PTPRE: variants seen among roughly 807,000 people sequenced by gnomAD.
PTPRE encodes the protein protein tyrosine phosphatase receptor type E.
PTPRE carries 51 observed loss-of-function variants against 102.0 expected under a neutral mutation model. The observed-to-expected ratio is 0.50, with a 90% confidence interval of 0.40 to 0.63. The LOEUF is 0.63. PTPRE is among the 30% of genes least tolerant of loss of function. The probability of loss-of-function intolerance (pLI) is 0.00; values close to 1 mark genes in which losing one functional copy is unlikely to be tolerated. For synonymous variants in PTPRE, 345 were observed against 348.2 expected (o/e 0.99, Z 0.10); for missense variants, 752 against 915.1 (o/e 0.82, Z 2.30).
At chr10:128,076,323 C>T (rs1236886307) in intron 17 of PTPRE, among the ~76,000 whole-genome samples, 1 of 152,110 alleles carries the variant, frequency 6.6e-6, no homozygotes, top group African/African-American at 2.4e-5. Flanking sequence ...ATTTCATTTT[C>T]CCCAGGTAGA....
rs547381968 is a variant in PTPRE, at chr10:127,942,593, C to T, written c.-31+35284C>T. 1.9e-4 allele frequency among the ~76,000 whole-genome samples: 29 copies of T among 152,290 alleles called. 1 individual carries two copies. In the South Asian group the frequency reaches 4.6e-3, roughly 24 times the overall value. On this transcript the variant is annotated intron_variant, in intron 1 of 20. Coordinates refer to ENST00000254667, the MANE Select transcript of PTPRE (RefSeq NM_006504.6). ...CTGCAACACGGATGAACCTGGAAGA[C>T]GTACTGAGTGGAATAAGCCAGTTAC...
intron 2 of PTPRE, among the ~76,000 whole-genome samples, chr10:127,989,637 A>G (rs1332887346): frequency 6.6e-6 from 1 of 152,254 alleles, no homozygotes; most frequent in Non-Finnish European, 1.5e-5. Context: ...CCACCACCAA[A>G]GGTGAAGTTC....
rs1037893439 is a variant in PTPRE, at chr10:128,027,146, C to T, written c.-7-13729C>T. On this transcript the variant is annotated intron_variant, in intron 2 of 20. Transcript: ENST00000254667. The stretch of plus-strand genomic sequence containing the variant: ...AGGGTATTAGCAGGCAATGAGGTGA[C>T]GCTTAGGTTAGAAGCGCTTAGCACA... Among the ~76,000 whole-genome samples the T allele has an allele frequency of 4.6e-5, 7 of 152,198 alleles. 1 individual carries two copies. Among genetic ancestry groups the T allele is most frequent in the East Asian group, 3.9e-4 (2 of 5,194 alleles).
intron 1 of PTPRE, among the ~76,000 whole-genome samples, chr10:127,947,152 T>A (rs1301845333): frequency 2.0e-5 from 3 of 151,984 alleles, no homozygotes; most frequent in Non-Finnish European, 4.4e-5. Flanking sequence ...AGTTTGACTT[T>A]AAAAAAAATA....
intron 1 of PTPRE, among the ~76,000 whole-genome samples, chr10:127,955,438 A>T (rs1849336187): frequency 6.6e-6 from 1 of 152,216 alleles, no homozygotes; most frequent in African/African-American, 2.4e-5. Flanking sequence ...CCATGTAACC[A>T]GTTACAGAAA....
At chr10:127,965,490 G>A (rs1040256558) in intron 1 of PTPRE, among the ~76,000 whole-genome samples, 5 of 152,256 alleles carry the variant, frequency 3.3e-5, no homozygotes, top group African/African-American at 9.6e-5. Flanking sequence ...GGAAGGTCAG[G>A]GTTCGTCCCT....
intron 1 of PTPRE, among the ~76,000 whole-genome samples, chr10:127,956,992 T>C (rs1173219319): frequency 6.6e-6 from 1 of 152,222 alleles, no homozygotes; most frequent in Non-Finnish European, 1.5e-5. Context: ...AGATATGTTC[T>C]TTGCAAATGT....
At chr10:128,001,197 A>AGTGTGTGTGTGTGTGC (rs1554915299) in intron 2 of PTPRE, among the ~76,000 whole-genome samples, 15 of 151,256 alleles carry the variant, frequency 9.9e-5, no homozygotes, top group Admixed American at 9.9e-4. Context: ...GAGAGATCTG[A>AGTGTGTGTGTGTGTGC]GTGTGTGTGT....
intron 2 of PTPRE, among the ~76,000 whole-genome samples, chr10:128,016,481 A>AT (rs57308839): frequency 0.057 from 8,257 of 145,176 alleles, 663 homozygotes; most frequent in African/African-American, 0.18. Context: ...TGCCTGGCCA[A>AT]TTTTTTTTTT....
At chr10:128,021,195 G>C (rs971122877) in intron 2 of PTPRE, among the ~76,000 whole-genome samples, 1 of 152,094 alleles carries the variant, frequency 6.6e-6, no homozygotes, top group Non-Finnish European at 1.5e-5. Flanking sequence ...GCGCCCGGCC[G>C]AGTGTCTTTT....
intron 15 of PTPRE, chr10:128,071,134 C>G (rs10829326): frequency 0.66 from 344,880 of 522,568 alleles, 115,048 homozygotes; most frequent in East Asian, 0.81. Context: ...CAAGCTGCTT[C>G]GGATATGAGC....
chr10:127,950,378 G>C (rs1848929017), intron 1 of PTPRE, among the ~76,000 whole-genome samples: 1 of 152,152 alleles, frequency 6.6e-6, no homozygotes, highest in South Asian at 2.1e-4. Flanking sequence ...GACTGAGTTG[G>C]AGATGCCTGA....
chr10:127,939,646 G>A (rs896904817), intron 1 of PTPRE, among the ~76,000 whole-genome samples: 18 of 152,314 alleles, frequency 1.2e-4, no homozygotes, highest in African/African-American at 3.4e-4. Flanking sequence ...ACATGGTCAG[G>A]ATGAGCCAAG....
chr10:128,069,571 A>T, intron 12 of PTPRE, 121 bp from the exon 13 acceptor site: 2 of 1,370,422 alleles, frequency 1.5e-6, no homozygotes, highest in Non-Finnish European at 2.0e-6. Context: ...CTTTGCTCCT[A>T]ATTAACCAAA....
At chr10:127,979,824 C>T (rs1283075194) in intron 1 of PTPRE, among the ~76,000 whole-genome samples, 1 of 152,216 alleles carries the variant, frequency 6.6e-6, no homozygotes, top group African/African-American at 2.4e-5. Flanking sequence ...TGACTCAAGC[C>T]TGCTGCCACT....
chr10:128,038,811 T>A (rs1847438717), intron 2 of PTPRE, among the ~76,000 whole-genome samples: 1 of 152,054 alleles, frequency 6.6e-6, no homozygotes, highest in Non-Finnish European at 1.5e-5. Flanking sequence ...TATAAATATA[T>A]ATATACATAT....
intron 2 of PTPRE, among the ~76,000 whole-genome samples, chr10:128,017,699 C>T (rs1162301789): frequency 5.3e-5 from 8 of 152,168 alleles, no homozygotes; most frequent in African/African-American, 1.9e-4. Flanking sequence ...GACCAGGACC[C>T]GCCAATGTAG....
intron 2 of PTPRE, among the ~76,000 whole-genome samples, chr10:128,023,851 T>A (rs909142953): frequency 3.9e-5 from 6 of 152,208 alleles, no homozygotes; most frequent in African/African-American, 1.4e-4. Context: ...TCATAAATAG[T>A]CTACTCTGTA....
chr10:127,998,133 A>G (rs1853463233), intron 2 of PTPRE: 1 of 152,272 alleles, frequency 6.6e-6, no homozygotes, highest in Admixed American at 6.5e-5. Flanking sequence ...GAGATCTCAA[A>G]TCCTGTTGCA....
Sources: allele counts gnomAD v4.1 joint callset (sites outside exome capture counted in the v4.1 genomes callset), GRCh38; gene constraint gnomAD v4.1.1; transcripts MANE v1.5; gene names NCBI Gene and HGNC (gene_info 2026-07-23, HGNC 2026-07-21).